MACROD2: variants seen among roughly 807,000 people sequenced by gnomAD.
MACROD2 encodes ADP-ribose glycohydrolase MACROD2.
A neutral mutation model predicts 70.4 loss-of-function variants in MACROD2; 36 were observed. The observed-to-expected ratio is 0.51, with a 90% CI of 0.39 to 0.68. The LOEUF (loss-of-function observed/expected upper bound fraction) is 0.68, where lower values mean the gene tolerates loss of function less well. Among genes scored for constraint, MACROD2 ranks in the 30% least tolerant of loss-of-function variants. MACROD2 has a pLI of 0.00. For synonymous variants in MACROD2, 172 were observed against 178.8 expected (o/e 0.96, Z 0.30); for missense variants, 496 against 538.4 (o/e 0.92, Z 0.78).
intron 10 of MACROD2, among the ~76,000 whole-genome samples, chr20:15,919,380 C>G (rs1289475017): frequency 6.6e-6 from 1 of 152,186 alleles, no homozygotes; most frequent in Non-Finnish European, 1.5e-5. Flanking sequence ...AAAATAGCAT[C>G]AGCTACCCTA....
chr20:14,030,976 T>C (rs1348420689), intron 2 of MACROD2, among the ~76,000 whole-genome samples: 1 of 152,192 alleles, frequency 6.6e-6, no homozygotes, highest in African/African-American at 2.4e-5. Context: ...TTCCACATAC[T>C]CAAATTTAGA....
chr20:14,149,121 C>T (rs1248655327), intron 3 of MACROD2, among the ~76,000 whole-genome samples: 2 of 151,718 alleles, frequency 1.3e-5, no homozygotes, highest in Admixed American at 6.6e-5. Flanking sequence ...AACCTTGTCC[C>T]TTCCCAACCT....
intron 8 of MACROD2, among the ~76,000 whole-genome samples, chr20:15,705,563 T>C (rs1282905671): frequency 1.3e-5 from 2 of 152,002 alleles, no homozygotes; most frequent in Non-Finnish European, 2.9e-5. Flanking sequence ...GGGATTATAG[T>C]CACCCTCCAC....
chr20:15,608,916 TG>T (rs764344888), intron 8 of MACROD2, among the ~76,000 whole-genome samples: 13 of 152,222 alleles, frequency 8.5e-5, no homozygotes, highest in Non-Finnish European at 1.9e-4. Flanking sequence ...TATCTTTTGC[TG>T]CCCCTCTAAA....
Position 15,968,855 on chromosome 20 carries a change from G to GGA in MACROD2, c.985+1240_985+1241dup, listed in dbSNP as rs139824583. Among the ~76,000 whole-genome samples the GGA allele has an allele frequency of 7.8e-3, 860 of 110,102 alleles. 10 individuals are homozygous for GGA. Among genetic ancestry groups the GGA allele is most frequent in the African/African-American group, 0.025 (781 of 30,872 alleles). The allele number at this position is 110,102 out of a possible 152,430, so 72.2% of individuals were successfully genotyped here. On this transcript the variant is annotated intron_variant, in intron 13 of 17. Transcript: ENST00000684519. ...TATATATATACACACATATACATAT[G>GGA]GAGAGAGAGAGAGAGACTGTTTAAA...
chr20:16,005,244 C>T (rs2066772534), intron 15 of MACROD2, among the ~76,000 whole-genome samples: 1 of 152,200 alleles, frequency 6.6e-6, no homozygotes, highest in Admixed American at 6.5e-5. Context: ...TAAAAATAAA[C>T]CCTGCTTTAG....
chr20:15,276,628 A>C (rs1171814038), intron 6 of MACROD2, among the ~76,000 whole-genome samples: 1 of 152,048 alleles, frequency 6.6e-6, no homozygotes, highest in Non-Finnish European at 1.5e-5. Flanking sequence ...TCGCAGTTTC[A>C]CTCTTCCTGG....
At chr20:15,054,206 G>A (rs774949649) in intron 5 of MACROD2, among the ~76,000 whole-genome samples, 3 of 152,198 alleles carry the variant, frequency 2.0e-5, no homozygotes, top group East Asian at 1.9e-4. Flanking sequence ...ATTGATAAAA[G>A]TAGTGGCAGG....
At chr20:14,622,577 G>T (rs961056706) in intron 4 of MACROD2, among the ~76,000 whole-genome samples, 1 of 152,076 alleles carries the variant, frequency 6.6e-6, no homozygotes, top group South Asian at 2.1e-4. Context: ...CTTCTGAGAG[G>T]CCAGAAGTTT....
Position 14,799,378 on chromosome 20 carries a change from A to G in MACROD2, c.418+114419A>G, listed in dbSNP as rs560380742. Among the ~76,000 whole-genome samples the G allele has an allele frequency of 6.1e-4, 93 of 152,232 alleles. 1 individual carries two copies. Among genetic ancestry groups the G allele is most frequent in the African/African-American group, 2.2e-3 (91 of 41,508 alleles). On this transcript the variant is annotated intron_variant, in intron 5 of 17. Coordinates refer to ENST00000684519, the MANE Select transcript of MACROD2 (RefSeq NM_001351661.2). ...ATTGTGACCTTTTTAAACAGGAGCT[A>G]AAGCACACCAATTGGATAGTTTATG...
intron 8 of MACROD2, among the ~76,000 whole-genome samples, chr20:15,508,910 C>T (rs2047463175): frequency 1.3e-5 from 2 of 152,228 alleles, no homozygotes; most frequent in African/African-American, 4.8e-5. Context: ...AAGTGAAGAA[C>T]CAAAACTGAA....
At chr20:15,396,970 A>G (rs1057353668) in intron 6 of MACROD2, among the ~76,000 whole-genome samples, 2 of 152,220 alleles carry the variant, frequency 1.3e-5, no homozygotes, top group Non-Finnish European at 2.9e-5. Context: ...TCTAAACACC[A>G]GTGCCTGACT....
chr20:15,714,545 G>A (rs545962606), intron 8 of MACROD2, among the ~76,000 whole-genome samples: 3 of 152,288 alleles, frequency 2.0e-5, no homozygotes, highest in African/African-American at 7.2e-5. Flanking sequence ...AAGCTGGGTA[G>A]TTGCTTAACG....
At position 14,548,970 on chromosome 20, in the gene MACROD2, A is replaced by G. The variant is rs555282781; in HGVS notation, c.301+55462A>G. ...CTGAAGGGTGAGAGCACTGGAGGACATGAATTTCCCAGAAGTTATGGTGCT... is the reference window on the plus strand; with the variant it reads ...CTGAAGGGTGAGAGCACTGGAGGACGTGAATTTCCCAGAAGTTATGGTGCT... On this transcript the variant is annotated intron_variant, in intron 4 of 17. Transcript: ENST00000684519. Among the ~76,000 whole-genome samples, 18 of 152,324 alleles carry G rather than the reference A, an allele frequency of 1.2e-4. No homozygotes were observed. In the East Asian group the frequency reaches 3.5e-3, roughly 29 times the overall value.
At chr20:15,952,329 C>T (rs2065918047) in intron 12 of MACROD2, among the ~76,000 whole-genome samples, 1 of 152,154 alleles carries the variant, frequency 6.6e-6, no homozygotes, top group African/African-American at 2.4e-5. Context: ...TGAGACCACT[C>T]CAAGTACCAG....
intron 8 of MACROD2, among the ~76,000 whole-genome samples, chr20:15,757,366 A>C (rs2051362692): frequency 6.9e-6 from 1 of 145,456 alleles, no homozygotes; most frequent in Non-Finnish European, 1.5e-5. Flanking sequence ...TGTACTTAGT[A>C]GGGCAATTTT....
intron 4 of MACROD2, among the ~76,000 whole-genome samples, chr20:14,554,191 A>G (rs1005748320): frequency 2.0e-5 from 3 of 152,276 alleles, no homozygotes; most frequent in South Asian, 2.1e-4. Context: ...CCTATGAATC[A>G]TCCATGATTT....
intron 8 of MACROD2, among the ~76,000 whole-genome samples, chr20:15,639,956 T>G (rs1217348631): frequency 2.7e-4 from 32 of 117,890 alleles, no homozygotes; most frequent in African/African-American, 5.7e-4. Flanking sequence ...AGAGAGGGGA[T>G]GAGAGAAAGA....
chr20:15,976,107 A>C (rs977587830), intron 13 of MACROD2, among the ~76,000 whole-genome samples: 3 of 152,206 alleles, frequency 2.0e-5, no homozygotes, highest in South Asian at 4.1e-4. Flanking sequence ...GCAAGCAATA[A>C]AATTATATTG....
Sources: gnomAD v4.1 joint callset for allele counts (sites outside exome capture counted in the v4.1 genomes callset) on GRCh38, gnomAD v4.1.1 for gene constraint, MANE v1.5 for transcripts, NCBI Gene and HGNC (gene_info 2026-07-23, HGNC 2026-07-21) for gene names.